Variants in CATSPERE observed in about 807,000 individuals in gnomAD.
The protein encoded by CATSPERE is catsper channel auxiliary subunit epsilon.
In CATSPERE, 93 loss-of-function variants were observed where a neutral mutation model predicts 114.1. The observed-to-expected ratio is 0.81, with a 90% CI of 0.69 to 0.97. The LOEUF (loss-of-function observed/expected upper bound fraction) is 0.97. Ranked by LOEUF, CATSPERE falls within the 50% of genes least tolerant of loss-of-function variation. The pLI is 0.00. For missense variants in CATSPERE, 1,058 were observed against 1,131.6 expected (o/e 0.93, Z 0.93); for synonymous variants, 341 against 384.1 (o/e 0.89, Z 1.31).
chr1:244,584,376 C>G (rs750768557), intron 13 of CATSPERE, among the ~76,000 whole-genome samples: 2 of 151,832 alleles, frequency 1.3e-5, no homozygotes, highest in Non-Finnish European at 2.9e-5. Context: ...AGGAAGTTTA[C>G]TGAGACTGGG....
Position 244,552,249 on chromosome 1 carries a change from G to T in CATSPERE, c.537-73G>T, listed in dbSNP as rs550552226. Reference sequence around the variant, plus strand: ...TAAAAATTAAAAATGTTTTAAAGATGATAGATATCAACTGTACAAGATGGA... The same window carrying T: ...TAAAAATTAAAAATGTTTTAAAGATTATAGATATCAACTGTACAAGATGGA... On this transcript the variant is annotated intron_variant, in intron 8 of 21. Coordinates refer to ENST00000366534, the MANE Select transcript of CATSPERE (RefSeq NM_001130957.2). 7.4e-5 allele frequency: 111 copies of T among 1,495,228 alleles called. 1 individual carries two copies. In the South Asian group the frequency reaches 1.4e-3, roughly 19 times the overall value. The allele number at this position is 1,495,228 out of a possible 1,614,324, so 92.6% of individuals were successfully genotyped here.
At chr1:244,594,376 A>G (rs1231618478) in intron 17 of CATSPERE, among the ~76,000 whole-genome samples, 1 of 152,234 alleles carries the variant, frequency 6.6e-6, no homozygotes, top group Non-Finnish European at 1.5e-5. Context: ...TGCTATTAGG[A>G]AGACTTTTCC....
upstream of CATSPERE, chr1:244,457,353 G>A (rs2148045225): frequency 6.6e-6 from 1 of 152,264 alleles, no homozygotes; most frequent in Non-Finnish European, 1.5e-5. Flanking sequence ...ATTAAAACTG[G>A]ATATATAAAA....
At chr1:244,558,992 C>G (rs992735565) in intron 9 of CATSPERE, among the ~76,000 whole-genome samples, 1 of 152,154 alleles carries the variant, frequency 6.6e-6, no homozygotes, top group African/African-American at 2.4e-5. Context: ...CAAAGACTTA[C>G]TACCTTACAT....
At chr1:244,564,542 G>T (rs1663117072) in intron 10 of CATSPERE, among the ~76,000 whole-genome samples, 1 of 151,958 alleles carries the variant, frequency 6.6e-6, no homozygotes, top group South Asian at 2.1e-4. Flanking sequence ...TCATGATTTG[G>T]CTCTCTGTCT....
At chr1:244,490,147 G>A (rs1037379906) in intron 5 of CATSPERE, among the ~76,000 whole-genome samples, 8 of 152,192 alleles carry the variant, frequency 5.3e-5, no homozygotes, top group Non-Finnish European at 1.0e-4. Context: ...TATTCATTTC[G>A]TAACTTCAAG....
Position 244,464,015 on chromosome 1 carries a change from C to G in CATSPERE, c.114+59C>G, listed in dbSNP as rs375117978. 9.3e-5 allele frequency: 110 copies of G among 1,185,806 alleles called. No homozygotes were observed. The East Asian group carries it at 1.3e-3, about 14-fold the overall frequency. 73.5% of individuals were successfully genotyped at this position (1,185,806 alleles called of 1,614,324 possible). A position where few individuals can be genotyped will look rare whatever the true frequency, so the allele number is the denominator to read the frequency against. ...ATATTAAATTTTTTGAACTTTAGAG[C>G]AGAGAGCAGAGTTAATCATATTGAG... On this transcript the variant is annotated intron_variant, in intron 2 of 21. Transcript: ENST00000366534.
chr1:244,518,534 C>A (rs1424711149), intron 7 of CATSPERE, 58 bp from the exon 8 acceptor site: 19 of 1,043,198 alleles, frequency 1.8e-5, no homozygotes, highest in Non-Finnish European at 2.8e-5. Context: ...CCTGATGTCA[C>A]ATCAAAATAC....
In CATSPERE at chr1:244,575,297, T is replaced by C. The variant is rs891804648; in HGVS notation, c.1950+2525T>C. On this transcript the variant is annotated intron_variant, in intron 11 of 21. Coordinates refer to ENST00000366534, the MANE Select transcript of CATSPERE (RefSeq NM_001130957.2). This position sits in a 1 kb window ranked among gnomAD's most constrained non-coding sequence, Gnocchi z 4.5. Reference sequence around the variant, plus strand: ...CCTGCCGTAAGTTGTACGATCATGCTCTTTCACCTCCTCTGCTCTCCTCCT... The same window carrying C: ...CCTGCCGTAAGTTGTACGATCATGCCCTTTCACCTCCTCTGCTCTCCTCCT... Among the ~76,000 whole-genome samples the C allele has an allele frequency of 5.3e-5, 8 of 152,216 alleles. No homozygotes were observed. Among genetic ancestry groups the C allele is most frequent in the Non-Finnish European group, 1.0e-4 (7 of 68,040 alleles).
chr1:244,538,175 T>C (rs1680658328), intron 8 of CATSPERE, among the ~76,000 whole-genome samples: 1 of 152,088 alleles, frequency 6.6e-6, no homozygotes, highest in Non-Finnish European at 1.5e-5. Flanking sequence ...TAAAAAATCT[T>C]TTCAAAAGAA....
At chr1:244,617,884 C>T (rs988570414) in intron 20 of CATSPERE, among the ~76,000 whole-genome samples, 198 bp downstream of exon 20, 1 of 152,092 alleles carries the variant, frequency 6.6e-6, no homozygotes, top group Non-Finnish European at 1.5e-5. Context: ...AATCAATTTA[C>T]AATTACATTC....
rs1195671257 is a variant in CATSPERE at position 244,593,524 on chromosome 1, A to G, written c.2249A>G (p.Tyr750Cys). 6.2e-7 allele frequency: 1 copy of G among 1,613,984 alleles called. No individual in the cohort carries two copies. The highest frequency in any genetic ancestry group is 1.3e-5 in the African/African-American group (1 of 74,936). Residue 750 changes from tyrosine (Y) to cysteine (C), a missense_variant, in exon 17 of 22, where the codon TAT becomes TGT. Coordinates refer to ENST00000366534, the MANE Select transcript of CATSPERE (RefSeq NM_001130957.2). ...AGAGTAAGGTATATTTGGGGAGAAT[A>G]TGGCTGCCCTCTGAGGCTTGACTTC... is the stretch of plus-strand genomic sequence containing the variant. ...NLRVRYIWGE[Y>C]GCPLRLDFTE...
rs181214478 is a variant in CATSPERE at position 244,500,653 on chromosome 1, G to A, written c.429+1574G>A. ...CAGGTTTGTCGAAGATCAGATGGTT[G>A]TAAATGTGTGGCGTTATTTCTGAGG... On this transcript the variant is annotated intron_variant, in intron 7 of 21. Transcript: ENST00000366534. Among the ~76,000 whole-genome samples the A allele has an allele frequency of 8.5e-5, 13 of 152,240 alleles. No homozygotes were observed. In the East Asian group the frequency reaches 2.5e-3, roughly 29 times the overall value.
intron 7 of CATSPERE, among the ~76,000 whole-genome samples, chr1:244,516,702 A>G (rs1160009997): frequency 2.0e-5 from 3 of 151,068 alleles, no homozygotes; most frequent in Non-Finnish European, 2.9e-5. Context: ...TTGTATTTTT[A>G]GTAGAGACAG....
intron 2 of CATSPERE, among the ~76,000 whole-genome samples, chr1:244,475,538 T>TA (rs1491211942): frequency 0.052 from 2,775 of 53,482 alleles, 80 homozygotes; most frequent in African/African-American, 0.16. Flanking sequence ...CTGGCCACAA[T>TA]TTTTTTTTTT....
At chr1:244,490,254 A>C (rs3006021) in intron 5 of CATSPERE, among the ~76,000 whole-genome samples, 193 bp from the exon 6 acceptor site, 1 of 152,034 alleles carries the variant, frequency 6.6e-6, no homozygotes, top group Non-Finnish European at 1.5e-5. Context: ...GACAAATGAG[A>C]ATCAGTAACG....
In CATSPERE at chr1:244,573,963, T is replaced by C. The variant is rs540844919; in HGVS notation, c.1950+1191T>C. On this transcript the variant is annotated intron_variant, in intron 11 of 21. Transcript: ENST00000366534. This position sits in a 1 kb window ranked among gnomAD's most constrained non-coding sequence, Gnocchi z 4.0. ...ATTTTCTTAGCAAGGCAGTTTTAGT[T>C]TCTGCAGAAAGGGTGCTCCTCACAG... Among the ~76,000 whole-genome samples, 2 of 152,278 alleles carry C rather than the reference T, an allele frequency of 1.3e-5. No homozygotes were observed. Among genetic ancestry groups the C allele is most frequent in the African/African-American group, 4.8e-5 (2 of 41,560 alleles).
intron 5 of CATSPERE, among the ~76,000 whole-genome samples, chr1:244,484,043 C>A (rs1670642212): frequency 6.6e-6 from 1 of 152,112 alleles, no homozygotes; most frequent in African/African-American, 2.4e-5. Flanking sequence ...TTTTCTCATA[C>A]TTATTTAATG....
chr1:244,553,409 C>T (rs10927251), intron 9 of CATSPERE, among the ~76,000 whole-genome samples: 18,537 of 150,950 alleles, frequency 0.12, 1,917 homozygotes, highest in African/African-American at 0.28. Flanking sequence ...ATTAGCTGGG[C>T]GCAGTGGTGG....
Sources: gnomAD v4.1 joint callset for allele counts (sites outside exome capture counted in the v4.1 genomes callset) on GRCh38, gnomAD v4.1.1 for gene constraint, Gnocchi (gnomAD v3.1) non-coding constraint, MANE v1.5 for transcripts, NCBI Gene and HGNC (gene_info 2026-07-23, HGNC 2026-07-21) for gene names.